NTSR2: variants seen among roughly 807,000 people sequenced by gnomAD.
NTSR2 encodes the protein neurotensin receptor 2, also known as neurotensin receptor type 2.
In NTSR2, 22 loss-of-function variants were observed where a neutral mutation model predicts 24.1. The ratio of observed to expected loss-of-function variants is 0.91; its 90% CI spans 0.65 to 1.30. NTSR2 has a LOEUF of 1.30. Among genes scored for constraint, NTSR2 ranks in the 50% most tolerant of loss-of-function variants. The pLI is 0.00. For synonymous variants in NTSR2, 291 were observed against 267.0 expected (o/e 1.09, Z -0.88); for missense variants, 570 against 570.4 (o/e 1.00, Z 0.01).
intron 1 of NTSR2, 46 bp downstream of exon 1, chr2:11,669,460 G>GGCCCCCCCCCCCCC: frequency 3.9e-6 from 1 of 254,726 alleles, no homozygotes; most frequent in Non-Finnish European, 6.9e-6. Flanking sequence ...TCCCAGCACC[G>GGCCCCCCCCCCCCC]CCCCCCCACC....
chr2:11,668,470 G>A lies in NTSR2; in HGVS notation c.624+1036C>T, dbSNP rs1228392606. 4.6e-5 allele frequency among the ~76,000 whole-genome samples: 7 copies of A among 152,142 alleles called. No homozygotes were observed. In the East Asian group the frequency reaches 5.8e-4, roughly 13 times the overall value. On this transcript the variant is annotated intron_variant, in intron 1 of 3. Coordinates refer to ENST00000306928, the MANE Select transcript of NTSR2 (RefSeq NM_012344.4). ...AGCCGCTTAGGAGACTGCTTAGGAC[G>A]AGTCCCCTAAGCAGCCTCTGCACCC...
chr2:11,669,924 C>T lies in NTSR2; in HGVS notation c.206G>A (p.Arg69His). The change falls in exon 1 of 4, where the codon CGC (arginine) becomes CAC (histidine). Residue 69 changes from arginine to histidine, a missense_variant. Transcript: ENST00000306928. ...GAGCGCCAGGCTGAGCACGTGGTGGCGCAGGCGCCCCGCGCGCCCGGCCCG... is the reference window on the plus strand; with the variant it reads ...GAGCGCCAGGCTGAGCACGTGGTGGTGCAGGCGCCCCGCGCGCCCGGCCCG... ...KARAGRAGRL[R>H]HHVLSLALAG... is the part of the protein sequence containing the mutation. 6.5e-7 allele frequency: 1 copy of T among 1,536,080 alleles called. No homozygotes were observed. Among genetic ancestry groups the T allele is most frequent in the Non-Finnish European group, 8.7e-7 (1 of 1,147,860 alleles).
intron 1 of NTSR2, 46 bp downstream of exon 1, chr2:11,669,460 G>GGGGGGGGGGGGGGGGGGGCGCCCCCCCCC: frequency 3.9e-6 from 1 of 254,726 alleles, no homozygotes. Context: ...TCCCAGCACC[G>GGGGGGGGGGGGGGGGGGGCGCCCCCCCCC]CCCCCCCACC....
intron 2 of NTSR2, among the ~76,000 whole-genome samples, chr2:11,660,709 C>G (rs1195462870): frequency 6.6e-6 from 1 of 152,094 alleles, no homozygotes; most frequent in East Asian, 1.9e-4. Context: ...CCACTGCACT[C>G]CAGCCTGGGT....
In NTSR2 at chr2:11,662,286, C is replaced by T. The variant is rs189883262; in HGVS notation, c.625-46G>A. ...GCTATGGGGCAGCGCCAGGGCCCTG[C>T]GGCCCTCGCCATCTGGCTGTGCCCC... On this transcript the variant is annotated intron_variant, in intron 1 of 3. Coordinates refer to ENST00000306928, the MANE Select transcript of NTSR2 (RefSeq NM_012344.4). The T allele has an allele frequency of 3.9e-5, 56 of 1,436,944 alleles. No individual in the cohort carries two copies. The Admixed American group carries it at 5.8e-4, about 15-fold the overall frequency. The allele number at this position is 1,436,944 out of a possible 1,614,324, so 89.0% of individuals were successfully genotyped here.
At chr2:11,660,585 A>C (rs1010181205) in intron 2 of NTSR2, among the ~76,000 whole-genome samples, 1 of 152,054 alleles carries the variant, frequency 6.6e-6, no homozygotes, top group Non-Finnish European at 1.5e-5. Context: ...GGCTAACAGG[A>C]CAAAAATTAG....
chr2:11,662,342 G>T, intron 1 of NTSR2, 102 bp from the exon 2 acceptor site: 3 of 1,147,382 alleles, frequency 2.6e-6, no homozygotes, highest in Non-Finnish European at 3.6e-6. Context: ...CAGAAGGAGC[G>T]GCAGAAGGGT....
chr2:11,661,053 A>G lies in NTSR2; in HGVS notation c.898+914T>C, dbSNP rs1558695909. ...TGCTTCTACTCTGCTCTGACTGGCA[A>G]AGCCATCATCTAGCCCAGGGTAGCC... is the stretch of plus-strand genomic sequence containing the variant. On this transcript the variant is annotated intron_variant, in intron 2 of 3. Transcript: ENST00000306928. 2.6e-5 allele frequency among the ~76,000 whole-genome samples: 4 copies of G among 152,110 alleles called. No individual in the cohort carries two copies. The South Asian group carries it at 8.3e-4, about 32-fold the overall frequency.
At chr2:11,669,460 G>GGGGGGGGGGGGGGGGGGCC in intron 1 of NTSR2, 46 bp downstream of exon 1, 9 of 254,722 alleles carry the variant, frequency 3.5e-5, no homozygotes, top group East Asian at 1.1e-4. Context: ...TCCCAGCACC[G>GGGGGGGGGGGGGGGGGGCC]CCCCCCCACC....
intron 3 of NTSR2, among the ~76,000 whole-genome samples, chr2:11,659,824 C>T (rs902844960): frequency 2.0e-5 from 3 of 152,158 alleles, no homozygotes; most frequent in African/African-American, 4.8e-5. Flanking sequence ...CTTGGCTAGG[C>T]CTCTTACGCA....
intron 1 of NTSR2, 48 bp downstream of exon 1, chr2:11,669,458 C>CCGGGGCGGGGGG: frequency 6.2e-6 from 2 of 323,366 alleles, no homozygotes; most frequent in Non-Finnish European, 1.1e-5. Context: ...CCTCCCAGCA[C>CCGGGGCGGGGGG]CGCCCCCCCA....
rs202147891 is a variant in NTSR2 at position 11,669,555 on chromosome 2, C to A, written c.575G>T (p.Arg192Leu). The A allele has an allele frequency of 1.3e-6, 2 of 1,553,464 alleles. No homozygotes were observed. Among genetic ancestry groups the A allele is most frequent in the Admixed American group, 1.8e-5 (1 of 54,782 alleles). Reference protein sequence around the residue: ...TADGEPEPASRVCTVLVSRTA... With the variant: ...TADGEPEPASLVCTVLVSRTA... Reference sequence around the variant, plus strand: ...GCGGCTCACCAGCACCGTGCACACTCGCGAGGCGGGCTCCGGCTCCCCGTC... The same window carrying A: ...GCGGCTCACCAGCACCGTGCACACTAGCGAGGCGGGCTCCGGCTCCCCGTC... Residue 192 changes from arginine to leucine, a missense_variant, in exon 1 of 4, where the codon CGA (arginine) becomes CTA (leucine). Physicochemically the swap from Arg to Leu is moderately radical, Grantham distance 102. Coordinates refer to ENST00000306928, the MANE Select transcript of NTSR2 (RefSeq NM_012344.4).
At chr2:11,668,377 C>T (rs1038334316) in intron 1 of NTSR2, among the ~76,000 whole-genome samples, 3 of 152,156 alleles carry the variant, frequency 2.0e-5, no homozygotes, top group Admixed American at 6.5e-5. Flanking sequence ...TGTAGGCAGG[C>T]TGGGCTTCCA....
At chr2:11,662,456 T>C (rs963067187) in intron 1 of NTSR2, among the ~76,000 whole-genome samples, 1 of 151,448 alleles carries the variant, frequency 6.6e-6, no homozygotes, top group Non-Finnish European at 1.5e-5. Context: ...AGAAAAAAAA[T>C]AGAGAAAACA....
chr2:11,669,425 T>C, intron 1 of NTSR2, 81 bp downstream of exon 1: 3 of 962,310 alleles, frequency 3.1e-6, no homozygotes. Context: ...AAATGTCTGT[T>C]CCCCGGGGAG....
intron 1 of NTSR2, among the ~76,000 whole-genome samples, chr2:11,665,055 GTTTTTTTTTTTTTTTTTT>G (rs34751276): frequency 1.9e-5 from 2 of 106,676 alleles, no homozygotes; most frequent in African/African-American, 4.3e-5. Flanking sequence ...CTTTGGCACT[GTTTTTTTTTTTTTTTTTT>G]TTTTTTTTTT....
At chr2:11,660,926 C>T (rs1263545527) in intron 2 of NTSR2, among the ~76,000 whole-genome samples, 3 of 152,134 alleles carry the variant, frequency 2.0e-5, no homozygotes, top group East Asian at 1.9e-4. Flanking sequence ...AGCATCTCTC[C>T]TCTGTGCTTT....
At position 11,669,918 on chromosome 2, in the gene NTSR2, T is replaced by A. The variant is rs769167161; in HGVS notation, c.212A>T (p.His71Leu). Residue 71 changes from histidine to leucine, a missense_variant, in exon 1 of 4, where the codon CAC becomes CTC. Transcript: ENST00000306928. ...RAGRAGRLRH[H>L]VLSLALAGLL... is the part of the protein sequence containing the mutation. ...GCCCGCGAGCGCCAGGCTGAGCACG[T>A]GGTGGCGCAGGCGCCCCGCGCGCCC... 1 of 1,547,998 alleles carries A rather than the reference T, an allele frequency of 6.5e-7. No homozygotes were observed. Among genetic ancestry groups the A allele is most frequent in the East Asian group, 2.4e-5 (1 of 41,906 alleles).
Position 11,669,492 on chromosome 2 carries a change from C to T in NTSR2, c.624+14G>A. 1 of 1,326,214 alleles carries T rather than the reference C, an allele frequency of 7.5e-7. No homozygotes were observed. The highest frequency in any genetic ancestry group is 9.7e-7 in the Non-Finnish European group (1 of 1,032,686). The allele number at this position is 1,326,214 out of a possible 1,614,324, so 82.2% of individuals were successfully genotyped here. A position where few individuals can be genotyped will look rare whatever the true frequency, so the allele number is the denominator to read the frequency against. ...CACCCCCCCTCCCCCGACTCCCGCT[C>T]TCCACGCCCTTACCTGGATAAAGAC... On this transcript the variant is annotated intron_variant, in intron 1 of 3. Transcript: ENST00000306928.
Sources: gnomAD v4.1 joint callset for allele counts (sites outside exome capture counted in the v4.1 genomes callset) on GRCh38, gnomAD v4.1.1 for gene constraint, MANE v1.5 for transcripts, NCBI Gene and HGNC (gene_info 2026-07-23, HGNC 2026-07-21) for gene names.